CAMK2G: variants seen among roughly 807,000 people sequenced by gnomAD.
CAMK2G encodes calcium/calmodulin dependent protein kinase II gamma, also known as calcium/calmodulin-dependent protein kinase type II subunit gamma.
A neutral mutation model predicts 88.7 loss-of-function variants in CAMK2G; 23 were observed. The ratio of observed to expected loss-of-function variants is 0.26; its 90% CI spans 0.19 to 0.37. The LOEUF is 0.37. Ranked by LOEUF, CAMK2G falls within the 10% of genes least tolerant of loss-of-function variation. The pLI is 1.00. For missense variants in CAMK2G, 476 were observed against 780.8 expected (o/e 0.61, Z 4.65); for synonymous variants, 263 against 294.8 (o/e 0.89, Z 1.11).
chr10:73,873,579 A>G (rs2095927927), intron 1 of CAMK2G: 1 of 983,490 alleles, frequency 1.0e-6, no homozygotes, highest in Non-Finnish European at 1.2e-6. Flanking sequence ...ACCCCCCCAC[A>G]GCCGGTTTCA....
intron 19 of CAMK2G, chr10:73,818,548 C>G: frequency 2.6e-6 from 1 of 387,914 alleles, no homozygotes; most frequent in South Asian, 1.9e-5. Context: ...AGCGTTAGAA[C>G]AGCACCACCA....
chr10:73,842,078 C>T lies in CAMK2G; in HGVS notation c.946+91G>A, dbSNP rs939844791. 25 of 1,024,450 alleles carry T rather than the reference C, an allele frequency of 2.4e-5. No homozygotes were observed. Among genetic ancestry groups the T allele is most frequent in the South Asian group, 1.0e-4 (8 of 78,954 alleles). The allele number at this position is 1,024,450 out of a possible 1,614,324, so 63.5% of individuals were successfully genotyped here. On this transcript the variant is annotated intron_variant, in intron 12 of 22. Transcript: ENST00000423381. This position sits in a 1 kb window ranked among gnomAD's most constrained non-coding sequence, Gnocchi z 4.6. ...CTGGTCAAGGTGTGGCCCAGGACGC[C>T]GAGGAAACCCAGCGGTGCCCGGGAT...
At chr10:73,863,123 C>T (rs2095451231) in intron 2 of CAMK2G, among the ~76,000 whole-genome samples, 1 of 152,262 alleles carries the variant, frequency 6.6e-6, no homozygotes, top group Non-Finnish European at 1.5e-5. Context: ...AACTTTCCCT[C>T]TAGCAACAGC....
intron 10 of CAMK2G, among the ~76,000 whole-genome samples, chr10:73,843,713 G>A (rs1365450338): frequency 6.6e-6 from 1 of 151,880 alleles, no homozygotes; most frequent in East Asian, 1.9e-4. Flanking sequence ...GGGCCTCCTC[G>A]CATCCTTTCC....
chr10:73,829,265 C>CTTTT (rs1338796020), intron 14 of CAMK2G, among the ~76,000 whole-genome samples: 22 of 132,624 alleles, frequency 1.7e-4, no homozygotes, highest in Admixed American at 4.7e-4. Context: ...TTACATTGGC[C>CTTTT]TTTTATTTAT....
At chr10:73,819,904 C>T (rs923421759) in intron 18 of CAMK2G, among the ~76,000 whole-genome samples, 2 of 152,176 alleles carry the variant, frequency 1.3e-5, no homozygotes, top group Non-Finnish European at 2.9e-5. Flanking sequence ...CTTACAACAG[C>T]CTGTCCAAGG....
At chr10:73,853,299 C>T (rs2094778314) in intron 3 of CAMK2G, 53 bp from the exon 4 acceptor site, 25 of 1,531,594 alleles carry the variant, frequency 1.6e-5, no homozygotes, top group Non-Finnish European at 2.2e-5. Flanking sequence ...CTTGGAAATC[C>T]TAGGCTTCTC....
chr10:73,842,331 T>A lies in CAMK2G; in HGVS notation c.904-120A>T. The A allele has an allele frequency of 1.7e-6, 2 of 1,150,214 alleles. No individual in the cohort carries two copies. Among genetic ancestry groups the A allele is most frequent in the Non-Finnish European group, 2.6e-6 (2 of 759,192 alleles). The allele number at this position is 1,150,214 out of a possible 1,614,324, so 71.3% of individuals were successfully genotyped here. A position where few individuals can be genotyped will look rare whatever the true frequency, so the allele number is the denominator to read the frequency against. On this transcript the variant is annotated intron_variant, in intron 11 of 22. Transcript: ENST00000423381. The surrounding 1 kb of genome is among the most constrained non-coding windows in gnomAD (Gnocchi z 4.6). ...CATCAGGCCTCTGGGCCCCCTCCCC[T>A]GTGACATGTACAACCTTCAGAGCCC...
At chr10:73,849,520 C>T (rs1469642329) in intron 5 of CAMK2G, among the ~76,000 whole-genome samples, 187 bp from the exon 6 acceptor site, 2 of 152,146 alleles carry the variant, frequency 1.3e-5, no homozygotes, top group Non-Finnish European at 1.5e-5. Flanking sequence ...AAGAGGAAAC[C>T]GAGGCCCAGG....
chr10:73,840,160 G>A (rs2093661863), intron 12 of CAMK2G, among the ~76,000 whole-genome samples: 1 of 151,434 alleles, frequency 6.6e-6, no homozygotes, highest in Admixed American at 6.6e-5. Context: ...CAACCCCTCA[G>A]AGACACAGGT....
intron 2 of CAMK2G, among the ~76,000 whole-genome samples, chr10:73,870,111 A>G (rs2095765241): frequency 6.6e-6 from 1 of 152,222 alleles, no homozygotes; most frequent in African/African-American, 2.4e-5. Context: ...TTTAAAAATA[A>G]AAAAAGACAT....
In CAMK2G at chr10:73,819,556, G is replaced by A; in HGVS notation, c.1339C>T (p.Gln447Ter). 6.5e-7 allele frequency: 1 copy of A among 1,549,170 alleles called. No individual in the cohort carries two copies. ...CTGGCTGAGGAGCAGAGAGAAGGCTGGGGCTGCATGCCTGCAGAGGGGGCT... is the reference window on the plus strand; with the variant it reads ...CTGGCTGAGGAGCAGAGAGAAGGCTAGGGCTGCATGCCTGCAGAGGGGGCT... ...RTAPSAGMQP[Q>*]PSLCSSAMRK... Residue 447 changes from glutamine to a stop codon, truncating the protein, a stop_gained, in exon 19 of 23, where the codon CAG (glutamine) becomes TAG (stop). Coordinates refer to ENST00000423381, the MANE Select transcript of CAMK2G (RefSeq NM_001367534.1). LOFTEE classifies it high-confidence loss of function.
chr10:73,836,619 TTGTG>T (rs746754675), intron 14 of CAMK2G, among the ~76,000 whole-genome samples: 7 of 152,144 alleles, frequency 4.6e-5, no homozygotes, highest in Non-Finnish European at 1.0e-4. Context: ...GGAACGGGGC[TTGTG>T]TGTGTATCTC....
At chr10:73,829,267 TTTA>T (rs1236179145) in intron 14 of CAMK2G, among the ~76,000 whole-genome samples, 2 of 39,744 alleles carry the variant, frequency 5.0e-5, no homozygotes, top group African/African-American at 2.0e-4. Context: ...ACATTGGCCT[TTTA>T]TTTATTTATT....
At chr10:73,824,750 AC>A (rs35640143) in intron 16 of CAMK2G, among the ~76,000 whole-genome samples, 2 of 151,840 alleles carry the variant, frequency 1.3e-5, no homozygotes, top group East Asian at 3.9e-4. Flanking sequence ...AGCACACAGA[AC>A]CCCTGGAGGA....
At chr10:73,862,140 C>T (rs972924840) in intron 2 of CAMK2G, among the ~76,000 whole-genome samples, 1 of 152,114 alleles carries the variant, frequency 6.6e-6, no homozygotes. Flanking sequence ...AGCTCCAGTA[C>T]GTGGGAAGAG....
intron 14 of CAMK2G, among the ~76,000 whole-genome samples, chr10:73,833,900 A>G (rs1227485455): frequency 7.3e-5 from 8 of 110,234 alleles, no homozygotes; most frequent in Non-Finnish European, 1.2e-4. Context: ...CACCTAGCCT[A>G]TCTACTGGGT....
intron 3 of CAMK2G, among the ~76,000 whole-genome samples, chr10:73,853,753 G>A (rs1182552395): frequency 1.3e-5 from 2 of 152,216 alleles, no homozygotes. Flanking sequence ...TGGTGAGCCT[G>A]GAAGGCCACG....
In CAMK2G at chr10:73,824,104, T is replaced by C; in HGVS notation, c.1156-20A>G. 6.2e-7 allele frequency: 1 copy of C among 1,604,852 alleles called. No homozygotes were observed. Among genetic ancestry groups the C allele is most frequent in the African/African-American group, 1.3e-5 (1 of 74,806 alleles). ...TGGCTCCTGTGAGAGAAGATGAAGATTACCCTTCCGACTTGGGGACAGACT... is the reference window on the plus strand; with the variant it reads ...TGGCTCCTGTGAGAGAAGATGAAGACTACCCTTCCGACTTGGGGACAGACT... On this transcript the variant is annotated intron_variant, in intron 16 of 22. Transcript: ENST00000423381.
Sources: allele counts gnomAD v4.1 joint callset (sites outside exome capture counted in the v4.1 genomes callset), GRCh38; gene constraint gnomAD v4.1.1; non-coding constraint Gnocchi (gnomAD v3.1); transcripts MANE v1.5; gene names NCBI Gene and HGNC (gene_info 2026-07-23, HGNC 2026-07-21).